The following PCDH7 variants were observed in gnomAD, a reference collection of about 807,000 sequenced individuals.
PCDH7 encodes the protein protocadherin-7.
PCDH7 carries 17 observed loss-of-function variants against 58.9 expected under a neutral mutation model. The observed-to-expected ratio is 0.29, with a 90% CI of 0.20 to 0.43. PCDH7 has a LOEUF of 0.43. PCDH7 is among the 20% of genes least tolerant of loss of function. The pLI is 1.00. For synonymous variants in PCDH7, 664 were observed against 616.4 expected, an observed-to-expected ratio of 1.08 and a Z score of -1.14; for missense variants, 1,274 against 1,441.0, an observed-to-expected ratio of 0.88 and a Z score of 1.88.
At chr4:30,992,891 TG>T (rs1214259504) in intron 3 of PCDH7, among the ~76,000 whole-genome samples, 1 of 149,166 alleles carries the variant, frequency 6.7e-6, no homozygotes, top group Non-Finnish European at 1.5e-5. Flanking sequence ...TTCCGCCTCC[TG>T]GGTTCAAGTG....
At chr4:31,052,779 G>A (rs185307969) in intron 3 of PCDH7, among the ~76,000 whole-genome samples, 6 of 152,252 alleles carry the variant, frequency 3.9e-5, no homozygotes, top group African/African-American at 7.2e-5. Flanking sequence ...TTATCTGTTC[G>A]TAGGAATCAC....
chr4:31,144,789 CA>C (rs1342857026), downstream of PCDH7: 2 of 151,744 alleles, frequency 1.3e-5, no homozygotes, highest in African/African-American at 2.4e-5. Context: ...AGGTAGGATG[CA>C]AAAAGATATG....
intron 3 of PCDH7, among the ~76,000 whole-genome samples, chr4:31,060,673 A>G (rs1397415546): frequency 1.3e-5 from 2 of 151,798 alleles, no homozygotes; most frequent in Admixed American, 6.6e-5. Context: ...TTCAACATAT[A>G]TGAAGGTTAG....
chr4:30,997,688 ACT>A (rs2109132781), intron 3 of PCDH7, among the ~76,000 whole-genome samples: 1 of 152,052 alleles, frequency 6.6e-6, no homozygotes, highest in African/African-American at 2.4e-5. Context: ...ACAATGTTGA[ACT>A]CTTTCTTTAG....
intron 1 of PCDH7, among the ~76,000 whole-genome samples, chr4:30,870,698 G>T (rs1379484643): frequency 6.6e-6 from 1 of 152,106 alleles, no homozygotes; most frequent in African/African-American, 2.4e-5. Flanking sequence ...CCCACAGAAA[G>T]ATCACATTTT....
At chr4:31,004,837 GATTA>G (rs1752639351) in intron 3 of PCDH7, among the ~76,000 whole-genome samples, 1 of 152,024 alleles carries the variant, frequency 6.6e-6, no homozygotes, top group South Asian at 2.1e-4. Context: ...AGCACAGAGT[GATTA>G]ATTAATATGC....
Position 30,723,777 on chromosome 4 carries a change from A to G in PCDH7, c.2355A>G (p.Gly785=), listed in dbSNP as rs1408390052. ...CAGACCTGAACTACAGCATTGTGGG[A>G]GGAAATCCCTTCAAGCTGTTTGAAA... Residue 785 remains glycine, a synonymous_variant, in exon 1 of 2, where the codon GGA becomes GGG. Coordinates refer to ENST00000361762, the Ensembl canonical transcript of PCDH7. This position sits in a 1 kb window ranked among gnomAD's most constrained non-coding sequence, Gnocchi z 4.6. 1 of 1,614,156 alleles carries G rather than the reference A, an allele frequency of 6.2e-7. No individual in the cohort carries two copies. The highest frequency in any genetic ancestry group is 8.5e-7 in the Non-Finnish European group (1 of 1,180,040).
Position 31,105,958 on chromosome 4 carries a change from A to G in PCDH7, c.*8-36515A>G, listed in dbSNP as rs1200297650. ...GGAGGCAGAGCTTGCAGTGAGCCGT[A>G]ATCGCGCCACTGCACTCCAGCCTAG... On this transcript the variant is annotated intron_variant, in intron 3 of 3. Transcript: ENST00000509759. Among the ~76,000 whole-genome samples, 3 of 151,624 alleles carry G rather than the reference A, an allele frequency of 2.0e-5. No individual in the cohort carries two copies. The South Asian group carries it at 6.2e-4, about 32-fold the overall frequency.
chr4:30,740,581 G>A (rs910249624), intron 1 of PCDH7, among the ~76,000 whole-genome samples: 14 of 151,880 alleles, frequency 9.2e-5, no homozygotes, highest in Admixed American at 7.9e-4. Flanking sequence ...ATTCAGGATA[G>A]GAAAATGCCT....
chr4:31,089,575 T>C (rs890295693), intron 3 of PCDH7, among the ~76,000 whole-genome samples: 1 of 151,926 alleles, frequency 6.6e-6, no homozygotes, highest in East Asian at 1.9e-4. Context: ...TCAAAAAGAG[T>C]TTAAATCATA....
At chr4:31,008,903 G>A (rs934837705) in intron 3 of PCDH7, among the ~76,000 whole-genome samples, 1 of 151,810 alleles carries the variant, frequency 6.6e-6, no homozygotes, top group East Asian at 1.9e-4. Flanking sequence ...TCTCAAATTT[G>A]CAGAGTTATG....
chr4:30,792,350 G>T (rs1016951702), intron 1 of PCDH7, among the ~76,000 whole-genome samples: 4 of 151,782 alleles, frequency 2.6e-5, no homozygotes, highest in Non-Finnish European at 4.4e-5. Context: ...ATATAAGAAA[G>T]TTATATTTTG....
At chr4:30,990,628 C>A (rs10004523) in intron 3 of PCDH7, among the ~76,000 whole-genome samples, 11,398 of 152,070 alleles carry the variant, frequency 0.075, 1,417 homozygotes, top group African/African-American at 0.26. Flanking sequence ...CTTTGGCAAA[C>A]CACTCCTATA....
intron 3 of PCDH7, among the ~76,000 whole-genome samples, chr4:31,042,498 A>G (rs1755958104): frequency 1.3e-5 from 2 of 152,016 alleles, no homozygotes; most frequent in South Asian, 4.2e-4. Context: ...GTGTGTGTGT[A>G]TTTTATATTT....
intron 1 of PCDH7, among the ~76,000 whole-genome samples, chr4:30,784,188 C>T (rs1307922312): frequency 6.6e-6 from 1 of 152,182 alleles, no homozygotes; most frequent in Non-Finnish European, 1.5e-5. Context: ...CTGGTAACAT[C>T]CAGTTCTACT....
chr4:30,843,521 A>G (rs1352330745), intron 1 of PCDH7, among the ~76,000 whole-genome samples: 5 of 152,138 alleles, frequency 3.3e-5, no homozygotes, highest in Admixed American at 6.5e-5. Flanking sequence ...AAGAAAATAG[A>G]CATAATGTTT....
chr4:31,025,112 T>C (rs1754323765), intron 3 of PCDH7, among the ~76,000 whole-genome samples: 1 of 152,232 alleles, frequency 6.6e-6, no homozygotes, highest in African/African-American at 2.4e-5. Flanking sequence ...ATCCTGTTTA[T>C]GGTGCTGGTA....
chr4:30,817,782 A>C, intron 1 of PCDH7, among the ~76,000 whole-genome samples: 1 of 152,154 alleles, frequency 6.6e-6, no homozygotes, highest in Non-Finnish European at 1.5e-5. Flanking sequence ...AGTATCTAAA[A>C]GACTCCAAAT....
At chr4:30,798,124 A>T (rs1457292206) in intron 1 of PCDH7, among the ~76,000 whole-genome samples, 1 of 152,208 alleles carries the variant, frequency 6.6e-6, no homozygotes, top group Admixed American at 6.5e-5. Context: ...TCCAGGCAGC[A>T]TCATATAAAA....
Sources: allele counts gnomAD v4.1 joint callset (sites outside exome capture counted in the v4.1 genomes callset), GRCh38; gene constraint gnomAD v4.1.1; non-coding constraint Gnocchi (gnomAD v3.1); transcripts MANE v1.5; gene names NCBI Gene and HGNC (gene_info 2026-07-23, HGNC 2026-07-21).